The following FER variants were observed in gnomAD, a reference collection of about 807,000 sequenced individuals.
FER encodes the protein FER tyrosine kinase.
Under a neutral mutation model 111.0 loss-of-function variants are expected in FER, and 63 were observed. The ratio of observed to expected loss-of-function variants is 0.57; its 90% CI spans 0.46 to 0.70. The LOEUF is 0.70. Among genes scored for constraint, FER ranks in the 30% least tolerant of loss-of-function variants. The probability of loss-of-function intolerance (pLI) is 0.00; values close to 1 mark genes in which losing one functional copy is unlikely to be tolerated. For synonymous variants in FER, 327 were observed against 313.9 expected (o/e 1.04, Z -0.44); for missense variants, 914 against 954.0 (o/e 0.96, Z 0.55).
intron 3 of FER, among the ~76,000 whole-genome samples, chr5:108,824,748 T>G (rs1759262426): frequency 6.6e-6 from 1 of 152,178 alleles, no homozygotes; most frequent in Non-Finnish European, 1.5e-5. Flanking sequence ...CACTTATTAA[T>G]TCAGTTTTTT....
At chr5:108,835,575 T>G (rs1310730719) in intron 4 of FER, 133 bp from the exon 5 acceptor site, 3 of 483,436 alleles carry the variant, frequency 6.2e-6, no homozygotes, top group African/African-American at 6.2e-5. Flanking sequence ...TTATTTTCTA[T>G]AGTTGTATAT....
At chr5:108,993,231 C>A (rs1334721941) in intron 13 of FER, among the ~76,000 whole-genome samples, 2 of 152,246 alleles carry the variant, frequency 1.3e-5, no homozygotes, top group Non-Finnish European at 2.9e-5. Context: ...CACGCCACTG[C>A]ACTCTAGCCT....
At chr5:108,889,849 C>T (rs1409425226) in intron 9 of FER, among the ~76,000 whole-genome samples, 4 of 151,862 alleles carry the variant, frequency 2.6e-5, no homozygotes, top group Admixed American at 6.6e-5. Flanking sequence ...CCAGAGGAAG[C>T]GTGATGTAGC....
chr5:109,090,048 G>A (rs544673768), intron 16 of FER, among the ~76,000 whole-genome samples: 2 of 152,240 alleles, frequency 1.3e-5, no homozygotes, highest in African/African-American at 2.4e-5. Flanking sequence ...CCAGTATTCT[G>A]GTTTTTTGGA....
At chr5:108,924,888 G>A (rs1753530063) in intron 10 of FER, 1 of 936,388 alleles carries the variant, frequency 1.1e-6, no homozygotes, top group Admixed American at 4.3e-5. Flanking sequence ...CTTCAAATGG[G>A]AAGGATAATT....
At chr5:109,048,333 A>G (rs1772289920) in intron 16 of FER, among the ~76,000 whole-genome samples, 1 of 152,182 alleles carries the variant, frequency 6.6e-6, no homozygotes, top group Non-Finnish European at 1.5e-5. Flanking sequence ...TGTGTTAAGT[A>G]CATTGTATGT....
intron 17 of FER, among the ~76,000 whole-genome samples, chr5:109,108,737 G>A (rs920674063): frequency 2.0e-5 from 3 of 152,126 alleles, no homozygotes; most frequent in Non-Finnish European, 4.4e-5. Context: ...TTTCTAGTTA[G>A]TCTTGATCAA....
chr5:108,803,743 A>T (rs1249645064), intron 3 of FER, among the ~76,000 whole-genome samples: 1 of 151,730 alleles, frequency 6.6e-6, no homozygotes, highest in Non-Finnish European at 1.5e-5. Context: ...GTAGCTTTAT[A>T]GTATAGTTTG....
intron 2 of FER, among the ~76,000 whole-genome samples, chr5:108,769,695 A>G (rs1580435856): frequency 6.6e-6 from 1 of 152,226 alleles, no homozygotes; most frequent in East Asian, 1.9e-4. Flanking sequence ...ATGGAAAGAG[A>G]GAGAGAGAAC....
chr5:109,090,235 TA>T (rs763589022), intron 16 of FER, among the ~76,000 whole-genome samples: 2 of 152,052 alleles, frequency 1.3e-5, no homozygotes, highest in Non-Finnish European at 2.9e-5. Flanking sequence ...TACAAGCTCT[TA>T]AAAAAGACAA....
intron 13 of FER, among the ~76,000 whole-genome samples, chr5:109,028,223 G>T (rs1769056273): frequency 6.6e-6 from 1 of 151,718 alleles, no homozygotes; most frequent in Non-Finnish European, 1.5e-5. Context: ...TTCATTTTTT[G>T]GCACAAAAAC....
chr5:108,848,929 G>T (rs934955821), intron 5 of FER, among the ~76,000 whole-genome samples: 1 of 151,830 alleles, frequency 6.6e-6, no homozygotes, highest in Non-Finnish European at 1.5e-5. Flanking sequence ...TTTTTTGGGA[G>T]TATAGAATTT....
chr5:109,134,527 G>A (rs1414550973), intron 17 of FER, among the ~76,000 whole-genome samples: 6 of 152,092 alleles, frequency 3.9e-5, no homozygotes, highest in Admixed American at 6.6e-5. Flanking sequence ...TCCTAAACAA[G>A]CAATTAAAAC....
chr5:108,998,152 C>G (rs7719229), intron 13 of FER, among the ~76,000 whole-genome samples: 8,353 of 138,792 alleles, frequency 0.06, 368 homozygotes, highest in South Asian at 0.13. Flanking sequence ...ACGGTTCTGT[C>G]TTGCTGGCGT....
chr5:108,762,578 G>C (rs1751881223), intron 1 of FER, among the ~76,000 whole-genome samples: 1 of 152,138 alleles, frequency 6.6e-6, no homozygotes, highest in African/African-American at 2.4e-5. Context: ...AAAAGCTCAA[G>C]TCCTTAAAAT....
intron 13 of FER, among the ~76,000 whole-genome samples, chr5:109,001,991 G>A (rs1764839248): frequency 1.3e-5 from 2 of 152,084 alleles, no homozygotes; most frequent in South Asian, 4.2e-4. Flanking sequence ...ACAAATGGAA[G>A]AACATTCCAT....
At chr5:109,158,356 T>A (rs575100982) in intron 17 of FER, among the ~76,000 whole-genome samples, 4 of 151,944 alleles carry the variant, frequency 2.6e-5, no homozygotes, top group African/African-American at 9.7e-5. Flanking sequence ...TGAGCTCTAA[T>A]CAGAACACTT....
chr5:108,863,128 T>G (rs1444734474), intron 5 of FER, among the ~76,000 whole-genome samples: 1 of 152,050 alleles, frequency 6.6e-6, no homozygotes. Flanking sequence ...TGACCTTTTT[T>G]TTTGTTTGTT....
intron 13 of FER, among the ~76,000 whole-genome samples, chr5:108,964,941 T>C (rs1452614904): frequency 6.6e-6 from 1 of 152,148 alleles, no homozygotes; most frequent in Non-Finnish European, 1.5e-5. Flanking sequence ...TTTTCAAAAA[T>C]TGCTGTGTGT....
Sources: gnomAD v4.1 joint callset for allele counts (sites outside exome capture counted in the v4.1 genomes callset) on GRCh38, gnomAD v4.1.1 for gene constraint, MANE v1.5 for transcripts, NCBI Gene and HGNC (gene_info 2026-07-23, HGNC 2026-07-21) for gene names.